The following DEFB121 variants were observed in gnomAD, a reference collection of about 807,000 sequenced individuals.
DEFB121 encodes defensin beta 121.
Under a neutral mutation model 2.5 loss-of-function variants are expected in DEFB121, and 5 were observed. The observed-to-expected ratio is 1.96, with a 90% CI of 1.03 to 4.13. The LOEUF is 4.13. Ranked by LOEUF, DEFB121 falls within the 30% of genes most tolerant of loss-of-function variation. The pLI, the probability that DEFB121 is intolerant of heterozygous loss-of-function variation, is 0.00. For missense variants in DEFB121, 87 were observed against 85.0 expected, an observed-to-expected ratio of 1.02 and a Z score of -0.09; for synonymous variants, 39 against 32.6, an observed-to-expected ratio of 1.20 and a Z score of -0.67.
chr20:31,405,021 A>G lies in DEFB121; in HGVS notation c.123T>C (p.Tyr41=), dbSNP rs767400030. ...RTTCKESEVY[Y]ILCKTEAKCC... ...ACTTAGCCTCAGTTTTGCATAATAT[A>G]TAGTATACTTCACTTTCTTTACATG... Residue 41 remains tyrosine (Y), a synonymous_variant, in exon 2 of 2, where the codon TAT becomes TAC. Coordinates refer to ENST00000376314, the MANE Select transcript of DEFB121 (RefSeq NM_001011878.3). The G allele has an allele frequency of 2.5e-6, 4 of 1,613,136 alleles. No individual in the cohort carries two copies. In the East Asian group the frequency reaches 8.9e-5, roughly 36 times the overall value.
upstream of DEFB121, among the ~76,000 whole-genome samples, chr20:31,406,969 C>T (rs141415817): frequency 5.8e-3 from 885 of 152,188 alleles, 1 homozygote; most frequent in Middle Eastern, 0.01. Context: ...CCAGCTTGGT[C>T]TTTCTTATAA....
intron 1 of DEFB121, 85 bp downstream of exon 1, chr20:31,406,010 C>A: frequency 1.3e-6 from 2 of 1,503,926 alleles, no homozygotes; most frequent in South Asian, 2.3e-5. Flanking sequence ...GCCATTCTCC[C>A]AGCCCAACCT....
upstream of DEFB121, chr20:31,406,261 C>A: frequency 6.6e-7 from 1 of 1,512,950 alleles, no homozygotes; most frequent in Non-Finnish European, 8.8e-7. Flanking sequence ...AGGAGCATGG[C>A]AGAGCCAAGA....
chr20:31,414,027 G>C (rs1163899157), upstream of DEFB121, among the ~76,000 whole-genome samples: 2 of 152,156 alleles, frequency 1.3e-5, no homozygotes, highest in Non-Finnish European at 2.9e-5. Flanking sequence ...GACCAATATG[G>C]AGAAACCCTG....
At chr20:31,405,149 G>A (rs961229328) in intron 1 of DEFB121, 64 bp from the exon 2 acceptor site, 26 of 1,518,894 alleles carry the variant, frequency 1.7e-5, no homozygotes, top group Non-Finnish European at 2.3e-5. Context: ...GGTGTGAAAG[G>A]AAGAGGCTAA....
upstream of DEFB121, among the ~76,000 whole-genome samples, chr20:31,416,054 T>TTTTGTTTGTTTG (rs58327582): frequency 0.32 from 48,123 of 150,820 alleles, 8,601 homozygotes; most frequent in African/African-American, 0.45. Context: ...CTTCCCACTT[T>TTTTGTTTGTTTG]TTTGTTTGTT....
chr20:31,407,420 C>T (rs73248507), upstream of DEFB121, among the ~76,000 whole-genome samples: 126 of 152,294 alleles, frequency 8.3e-4, 1 homozygote, highest in Middle Eastern at 6.8e-3. Flanking sequence ...GCAGAAGTGA[C>T]GGTGTGCCGG....
chr20:31,405,206 A>G, intron 1 of DEFB121, 121 bp from the exon 2 acceptor site: 1 of 920,600 alleles, frequency 1.1e-6, no homozygotes, highest in Non-Finnish European at 1.6e-6. Flanking sequence ...TGTGGGGAAG[A>G]AGCTCTTACA....
chr20:31,404,848 C>A lies in DEFB121; in HGVS notation c.*65G>T. 2 of 1,574,490 alleles carry A rather than the reference C, an allele frequency of 1.3e-6. No individual in the cohort carries two copies. Among genetic ancestry groups the A allele is most frequent in the South Asian group, 2.3e-5 (2 of 86,316 alleles). Reference sequence around the variant, plus strand: ...ACTATCAGACAGAAACAGGGTGTTGCCAAGAATGATTTAATAGAACTGCAG... The same window carrying A: ...ACTATCAGACAGAAACAGGGTGTTGACAAGAATGATTTAATAGAACTGCAG... On this transcript the variant is annotated 3_prime_UTR_variant, in exon 2 of 2. Coordinates refer to ENST00000376314, the MANE Select transcript of DEFB121 (RefSeq NM_001011878.3).
intron 1 of DEFB121, among the ~76,000 whole-genome samples, chr20:31,405,797 A>G (rs574984499): frequency 1.3e-5 from 2 of 152,220 alleles, no homozygotes; most frequent in East Asian, 3.9e-4. Context: ...AAAAGTCCCC[A>G]TTTTCTCTAT....
upstream of DEFB121, among the ~76,000 whole-genome samples, chr20:31,415,685 A>C (rs550896615): frequency 6.6e-6 from 1 of 152,290 alleles, no homozygotes; most frequent in African/African-American, 2.4e-5. Flanking sequence ...GCATGGGAAC[A>C]ACCACCCAAG....
intron 1 of DEFB121, 84 bp from the exon 2 acceptor site, chr20:31,405,169 G>C (rs1012712919): frequency 1.5e-6 from 2 of 1,339,724 alleles, no homozygotes; most frequent in Non-Finnish European, 2.0e-6. Context: ...AAGCCCAGTA[G>C]AGGAGTAGGA....
At chr20:31,412,241 T>C (rs1374617767) in intron 1 of DEFB121, among the ~76,000 whole-genome samples, 1 of 152,226 alleles carries the variant, frequency 6.6e-6, no homozygotes, top group African/African-American at 2.4e-5. Context: ...ATATTCCAAC[T>C]CTCTGGTTCC....
At position 31,406,183 on chromosome 20, in the gene DEFB121, G is replaced by A. The variant is rs754360458; in HGVS notation, c.-31C>T. The A allele has an allele frequency of 3.1e-6, 5 of 1,613,450 alleles. No homozygotes were observed. Among genetic ancestry groups the A allele is most frequent in the South Asian group, 1.1e-5 (1 of 90,996 alleles). ...ATGAATGATCAGGGAGGGATAGGAG[G>A]CTTCTCAACTGGTAAAACAGACAGA... On this transcript the variant is annotated 5_prime_UTR_variant, in exon 1 of 2. Coordinates refer to ENST00000376314, the MANE Select transcript of DEFB121 (RefSeq NM_001011878.3).
intron 1 of DEFB121, chr20:31,412,581 C>A (rs1268029937): frequency 7.8e-7 from 1 of 1,285,182 alleles, no homozygotes; most frequent in Middle Eastern, 2.1e-4. Context: ...AGGAAAGCCT[C>A]TGACAACTGG....
At chr20:31,411,991 C>T (rs1327882897) in intron 1 of DEFB121, among the ~76,000 whole-genome samples, 2 of 152,210 alleles carry the variant, frequency 1.3e-5, no homozygotes, top group Non-Finnish European at 2.9e-5. Flanking sequence ...CTTGCTTTGG[C>T]CCATAAGTCA....
chr20:31,414,466 T>G (rs550337145), upstream of DEFB121, among the ~76,000 whole-genome samples: 262 of 152,180 alleles, frequency 1.7e-3, 2 homozygotes, highest in Non-Finnish European at 2.6e-3. Context: ...CATCAACAAA[T>G]GAATGGATAA....
the DEFB121 span, among the ~76,000 whole-genome samples, chr20:31,418,268 A>AAAAAAAAG: frequency 2.2e-5 from 2 of 89,558 alleles, no homozygotes; most frequent in Non-Finnish European, 4.6e-5. Flanking sequence ...TCAAAAAAAA[A>AAAAAAAAG]AAAAAAAAAA....
At chr20:31,405,177 G>T in intron 1 of DEFB121, 92 bp from the exon 2 acceptor site, 1 of 1,294,702 alleles carries the variant, frequency 7.7e-7, no homozygotes, top group Non-Finnish European at 1.1e-6. Flanking sequence ...TAGAGGAGTA[G>T]GAGGGAAATG....
Sources: allele counts gnomAD v4.1 joint callset (sites outside exome capture counted in the v4.1 genomes callset), GRCh38; gene constraint gnomAD v4.1.1; transcripts MANE v1.5; gene names NCBI Gene and HGNC (gene_info 2026-07-23, HGNC 2026-07-21).